PCDHA6: variants seen among roughly 807,000 people sequenced by gnomAD.
The protein encoded by PCDHA6 is protocadherin alpha-6.
Under a neutral mutation model 60.3 loss-of-function variants are expected in PCDHA6, and 55 were observed. That is an observed-to-expected ratio of 0.91 (90% CI 0.73 to 1.14). The LOEUF is 1.14. PCDHA6 is among the 50% of genes most tolerant of loss of function. The pLI, the probability that PCDHA6 is intolerant of heterozygous loss-of-function variation, is 0.00. For synonymous variants in PCDHA6, 652 were observed against 557.9 expected, an observed-to-expected ratio of 1.17 and a Z score of -2.38; for missense variants, 1,327 against 1,256.5, an observed-to-expected ratio of 1.06 and a Z score of -0.85.
chr5:140,859,790 A>C (rs1023981970), intron 1 of PCDHA6: 1 of 152,502 alleles, frequency 6.6e-6, no homozygotes, highest in Non-Finnish European at 1.5e-5. Context: ...AGCTCTTAGA[A>C]ATTATAGATG....
At position 140,942,409 on chromosome 5, in the gene PCDHA6, TA is replaced by T. The variant is rs78736997; in HGVS notation, c.2395-36528del. Among the ~76,000 whole-genome samples, 464 of 143,336 alleles carry T rather than the reference TA, an allele frequency of 3.2e-3. 2 individuals are homozygous for T. Among genetic ancestry groups the T allele is most frequent in the African/African-American group, 7.7e-3 (304 of 39,312 alleles). The allele number at this position is 143,336 out of a possible 152,430, so 94.0% of individuals were successfully genotyped here. Reference sequence around the variant, plus strand: ...CCTGGGCGACAGATGAGACTCTGTTTAAAAAAAAAAAAGATATCTAACAATA... The same window carrying T: ...CCTGGGCGACAGATGAGACTCTGTTTAAAAAAAAAAAGATATCTAACAATA... On this transcript the variant is annotated intron_variant, in intron 1 of 3. Transcript: ENST00000529310.
At chr5:140,999,656 G>A (rs1483832540) in intron 3 of PCDHA6, among the ~76,000 whole-genome samples, 2 of 152,148 alleles carry the variant, frequency 1.3e-5, no homozygotes, top group African/African-American at 4.8e-5. Context: ...CCTGAGCCCT[G>A]CTGGGTTGCG....
chr5:140,892,311 T>C (rs1042617869), intron 1 of PCDHA6, among the ~76,000 whole-genome samples: 1 of 152,222 alleles, frequency 6.6e-6, no homozygotes, highest in Non-Finnish European at 1.5e-5. Flanking sequence ...TTGGGGCTTA[T>C]AACATTTTCT....
At chr5:140,878,399 A>T (rs1246599611) in intron 1 of PCDHA6, among the ~76,000 whole-genome samples, 2 of 152,238 alleles carry the variant, frequency 1.3e-5, no homozygotes, top group East Asian at 3.8e-4. Flanking sequence ...TTGCTCACAA[A>T]ATATCTTCTT....
In PCDHA6 at chr5:140,829,378, C is replaced by G; in HGVS notation, c.1287C>G (p.Asp429Glu). Residue 429 changes from aspartate (D) to glutamate (E), a missense_variant, in exon 1 of 4, where the codon GAC (aspartate) becomes GAG (glutamate). By Grantham distance (45) the Asp-to-Glu change is conservative. Coordinates refer to ENST00000529310, the MANE Select transcript of PCDHA6 (RefSeq NM_018909.4). ...ATGAGTTGGTGGTAACCGCGCGGGA[C>G]GGGGGCTCGCCTTCGCTGTGGGCCA... ...SAYELVVTAR[D>E]GGSPSLWATA... is the part of the protein sequence containing the mutation. 6.2e-7 allele frequency: 1 copy of G among 1,614,180 alleles called. No homozygotes were observed. Among genetic ancestry groups the G allele is most frequent in the Non-Finnish European group, 8.5e-7 (1 of 1,180,050 alleles).
At chr5:140,931,881 T>C (rs2087825880) in intron 1 of PCDHA6, among the ~76,000 whole-genome samples, 1 of 152,002 alleles carries the variant, frequency 6.6e-6, no homozygotes, top group African/African-American at 2.4e-5. Flanking sequence ...TTTATTGCTT[T>C]CATTTTATTT....
intron 1 of PCDHA6, chr5:140,871,625 ATGTC>A (rs1304722830): frequency 2.1e-6 from 3 of 1,403,018 alleles, no homozygotes; most frequent in Non-Finnish European, 2.8e-6. Context: ...TTAGATAACA[ATGTC>A]TGTTCATAAA....
chr5:140,870,028 T>G, intron 1 of PCDHA6: 1 of 1,613,550 alleles, frequency 6.2e-7, no homozygotes, highest in Non-Finnish European at 8.5e-7. Context: ...AACTTTAGAT[T>G]ATGAAGAAAA....
chr5:140,869,939 A>T (rs377186222), intron 1 of PCDHA6: 5 of 1,612,014 alleles, frequency 3.1e-6, no homozygotes, highest in Non-Finnish European at 4.2e-6. Flanking sequence ...GAGGTAACAT[A>T]CTCCTTAATG....
intron 3 of PCDHA6, among the ~76,000 whole-genome samples, chr5:140,996,686 T>G (rs1447702915): frequency 2.6e-5 from 4 of 152,214 alleles, no homozygotes; most frequent in Non-Finnish European, 5.9e-5. Flanking sequence ...TGGGCTAGTA[T>G]TCTTCTGAAC....
Position 140,928,044 on chromosome 5 carries a change from T to C in PCDHA6, c.2395-50905T>C, listed in dbSNP as rs782342331. The C allele has an allele frequency of 4.6e-5, 75 of 1,614,078 alleles. 1 individual carries two copies. The highest frequency in any genetic ancestry group is 3.0e-4 in the Admixed American group (18 of 60,006). On this transcript the variant is annotated intron_variant, in intron 1 of 3. Transcript: ENST00000529310. The stretch of plus-strand genomic sequence containing the variant: ...TTTGTGGCATGTCTAGTGCAGGCCC[T>C]TTTCAGCTGACGGCTTCCTTTGACA...
Position 140,869,318 on chromosome 5 carries a change from G to C in PCDHA6, c.2394+38833G>C, listed in dbSNP as rs1373742506. ...TTCCGGGTGGCGTCCAAAACACATG[G>C]GGACCTTCTGGAGGTAAATCTGCAG... On this transcript the variant is annotated intron_variant, in intron 1 of 3. Coordinates refer to ENST00000529310, the MANE Select transcript of PCDHA6 (RefSeq NM_018909.4). 3 of 1,613,688 alleles carry C rather than the reference G, an allele frequency of 1.9e-6. No individual in the cohort carries two copies. Among genetic ancestry groups the C allele is most frequent in the Non-Finnish European group, 2.5e-6 (3 of 1,180,020 alleles).
rs1475078197 is a variant in PCDHA6, at chr5:140,845,480, C to A, written c.2394+14995C>A. On this transcript the variant is annotated intron_variant, in intron 1 of 3. Coordinates refer to ENST00000529310, the MANE Select transcript of PCDHA6 (RefSeq NM_018909.4). ...TCTGATATTTGAATTTGGGGTTGTG[C>A]TTTCACAGTGAGAAAGTCTAAACCT... is the stretch of plus-strand genomic sequence containing the variant. 1.3e-5 allele frequency among the ~76,000 whole-genome samples: 2 copies of A among 149,578 alleles called. 1 individual carries two copies. Among genetic ancestry groups the A allele is most frequent in the South Asian group, 4.2e-4 (2 of 4,742 alleles).
intron 1 of PCDHA6, among the ~76,000 whole-genome samples, chr5:140,832,543 A>T (rs1469117673): frequency 6.6e-6 from 1 of 152,226 alleles, no homozygotes; most frequent in Non-Finnish European, 1.5e-5. Context: ...TGTGTAGCTA[A>T]TGATATCTAA....
rs2150182143 is a variant in PCDHA6, at chr5:140,830,158, A to C, written c.2067A>C (p.Pro689=). 4 of 1,613,420 alleles carry C rather than the reference A, an allele frequency of 2.5e-6. No individual in the cohort carries two copies. In the Admixed American group the frequency reaches 5.0e-5, roughly 20 times the overall value. Residue 689 remains proline, a synonymous_variant, in exon 1 of 4, where the codon CCA becomes CCC. Coordinates refer to ENST00000529310, the MANE Select transcript of PCDHA6 (RefSeq NM_018909.4). ...GGGCGTCGGTGGGCGCCGCGGGCCC[A>C]GAGGCGGCGCTGGTGGATGTCAACG... ...SSRASVGAAG[P]EAALVDVNVY... is the part of the protein sequence containing the mutation.
chr5:140,856,851 C>T (rs140022509), intron 1 of PCDHA6: 4 of 1,593,160 alleles, frequency 2.5e-6, no homozygotes, highest in Admixed American at 1.7e-5. Context: ...GCTTCTGATT[C>T]GGATGAAGGA....
intron 1 of PCDHA6, chr5:140,850,917 T>G: frequency 6.5e-7 from 1 of 1,530,140 alleles, no homozygotes; most frequent in Non-Finnish European, 8.8e-7. Context: ...TTTATTTATT[T>G]ATATAATTTT....
intron 1 of PCDHA6, among the ~76,000 whole-genome samples, chr5:140,894,090 C>T (rs1554185919): frequency 6.6e-6 from 1 of 152,154 alleles, no homozygotes; most frequent in African/African-American, 2.4e-5. Flanking sequence ...CCAGTATCTT[C>T]TAGCTCCTGG....
At chr5:140,862,348 C>T (rs1404239338) in intron 1 of PCDHA6, 1 of 336,670 alleles carries the variant, frequency 3.0e-6, no homozygotes, top group Non-Finnish European at 5.9e-6. Context: ...ACTTCAGTGC[C>T]AAGGGACAGA....
Sources: gnomAD v4.1 joint callset for allele counts (sites outside exome capture counted in the v4.1 genomes callset) on GRCh38, gnomAD v4.1.1 for gene constraint, MANE v1.5 for transcripts, NCBI Gene and HGNC (gene_info 2026-07-23, HGNC 2026-07-21) for gene names.